EVI5: variants seen among roughly 807,000 people sequenced by gnomAD.
The protein encoded by EVI5 is ecotropic viral integration site 5 protein homolog.
A neutral mutation model predicts 112.0 loss-of-function variants in EVI5; 73 were observed. That is an observed-to-expected ratio of 0.65 (90% CI 0.54 to 0.79). The LOEUF (loss-of-function observed/expected upper bound fraction) is 0.79, where lower values mean the gene tolerates loss of function less well. Among genes scored for constraint, EVI5 ranks in the 30% least tolerant of loss-of-function variants. The probability of loss-of-function intolerance (pLI) is 0.00; values close to 1 mark genes in which losing one functional copy is unlikely to be tolerated. For synonymous variants in EVI5, 305 were observed against 319.9 expected (o/e 0.95, Z 0.50); for missense variants, 900 against 968.8 (o/e 0.93, Z 0.94).
chr1:92,756,271 C>T (rs1680941744), intron 1 of EVI5: 9 of 450,408 alleles, frequency 2.0e-5, no homozygotes, highest in South Asian at 1.6e-4. Context: ...AATTTGTTCT[C>T]TCTGAAGTAG....
intron 16 of EVI5, among the ~76,000 whole-genome samples, chr1:92,623,725 T>C (rs1425767666): frequency 6.6e-6 from 1 of 152,220 alleles, no homozygotes; most frequent in African/African-American, 2.4e-5. Flanking sequence ...TGCAGAAACA[T>C]TTTTGGTCAT....
chr1:92,575,542 T>A, intron 18 of EVI5, among the ~76,000 whole-genome samples: 1 of 150,114 alleles, frequency 6.7e-6, no homozygotes, highest in African/African-American at 2.4e-5. Context: ...TCTTTTAATC[T>A]ACAAGAGTCC....
At chr1:92,771,539 C>T (rs530908587) in intron 1 of EVI5, among the ~76,000 whole-genome samples, 3 of 152,144 alleles carry the variant, frequency 2.0e-5, no homozygotes, top group South Asian at 2.1e-4. Flanking sequence ...GTCCTTACAG[C>T]GCTAGAATCC....
chr1:92,642,993 T>C (rs182660066), intron 13 of EVI5, among the ~76,000 whole-genome samples: 2 of 152,340 alleles, frequency 1.3e-5, no homozygotes, highest in East Asian at 3.9e-4. Flanking sequence ...TAAGTAGTCA[T>C]AGGTAGGTCA....
intron 14 of EVI5, among the ~76,000 whole-genome samples, chr1:92,633,872 C>G (rs944982265): frequency 1.3e-5 from 2 of 152,172 alleles, no homozygotes; most frequent in Non-Finnish European, 2.9e-5. Flanking sequence ...TTAGGGCAGG[C>G]CTGGTGGTGA....
chr1:92,713,141 A>T (rs1349344660), intron 2 of EVI5, among the ~76,000 whole-genome samples: 1 of 151,996 alleles, frequency 6.6e-6, no homozygotes, highest in Non-Finnish European at 1.5e-5. Flanking sequence ...TGTCACTTCA[A>T]CAGGTAAACA....
chr1:92,683,242 C>A (rs1667900631), intron 9 of EVI5, among the ~76,000 whole-genome samples: 1 of 152,184 alleles, frequency 6.6e-6, no homozygotes, highest in African/African-American at 2.4e-5. Context: ...TGCTGTTCTG[C>A]AGTCTCCGCT....
At chr1:92,764,778 T>C (rs1271819886) in intron 1 of EVI5, among the ~76,000 whole-genome samples, 5 of 152,220 alleles carry the variant, frequency 3.3e-5, no homozygotes, top group Non-Finnish European at 7.3e-5. Flanking sequence ...GTTATACTTA[T>C]TTCTTATGAA....
chr1:92,696,456 T>C (rs1209146389), intron 6 of EVI5, among the ~76,000 whole-genome samples: 1 of 151,200 alleles, frequency 6.6e-6, no homozygotes, highest in African/African-American at 2.4e-5. Flanking sequence ...TCTACAAAAA[T>C]TAAAAAATAA....
intron 1 of EVI5, among the ~76,000 whole-genome samples, chr1:92,774,257 T>C (rs114904444): frequency 0.015 from 2,272 of 152,326 alleles, 68 homozygotes; most frequent in African/African-American, 0.051. Context: ...TCCTGATTTC[T>C]GGTATGCCTG....
Position 92,568,093 on chromosome 1 carries a change from G to T in EVI5, c.2071-4356C>A, listed in dbSNP as rs567498565. Reference sequence around the variant, plus strand: ...AAACCAGTTTAAAAATAAATTTCTGGCTGGGCGTGGTGGCTTATGACTGTA... The same window carrying T: ...AAACCAGTTTAAAAATAAATTTCTGTCTGGGCGTGGTGGCTTATGACTGTA... On this transcript the variant is annotated intron_variant, in intron 18 of 19. Coordinates refer to ENST00000684568, the MANE Select transcript of EVI5 (RefSeq NM_001350197.2). 5.7e-4 allele frequency among the ~76,000 whole-genome samples: 86 copies of T among 152,070 alleles called. 1 individual carries two copies. In the South Asian group the frequency reaches 0.017, roughly 31 times the overall value.
intron 19 of EVI5, among the ~76,000 whole-genome samples, chr1:92,559,892 CCTA>C (rs1318696132): frequency 6.6e-6 from 1 of 150,916 alleles, no homozygotes; most frequent in African/African-American, 2.4e-5. Flanking sequence ...TCACATAGTA[CCTA>C]CTACATGCCA....
intron 19 of EVI5, among the ~76,000 whole-genome samples, chr1:92,531,583 G>A (rs950012988): frequency 6.6e-6 from 1 of 152,184 alleles, no homozygotes. Context: ...GACTAACAAC[G>A]GATCTCTCAG....
intron 19 of EVI5, among the ~76,000 whole-genome samples, chr1:92,550,769 A>T (rs1666688676): frequency 3.4e-5 from 2 of 59,048 alleles, no homozygotes; most frequent in East Asian, 6.1e-4. Flanking sequence ...AAAAAAAAAA[A>T]AAAAAAAAAA....
intron 18 of EVI5, among the ~76,000 whole-genome samples, chr1:92,582,591 A>G (rs1672118350): frequency 1.3e-5 from 2 of 152,200 alleles, no homozygotes; most frequent in Non-Finnish European, 2.9e-5. Context: ...AGTAGTTGCT[A>G]GAACTAACTG....
intron 19 of EVI5, among the ~76,000 whole-genome samples, chr1:92,560,816 C>T (rs1668409239): frequency 6.6e-6 from 1 of 151,696 alleles, no homozygotes; most frequent in East Asian, 1.9e-4. Context: ...CCTCCAACCT[C>T]GGTCTCCCAA....
chr1:92,539,101 C>A (rs972456713), intron 19 of EVI5, among the ~76,000 whole-genome samples: 3 of 152,144 alleles, frequency 2.0e-5, no homozygotes, highest in African/African-American at 7.2e-5. Flanking sequence ...AATAAGAGCA[C>A]TTATTTAGCC....
chr1:92,701,192 G>A (rs543090771), intron 5 of EVI5, among the ~76,000 whole-genome samples: 7 of 152,308 alleles, frequency 4.6e-5, no homozygotes, highest in Non-Finnish European at 8.8e-5. Context: ...CAGTTGGGAA[G>A]CTGAAGCAAA....
intron 2 of EVI5, among the ~76,000 whole-genome samples, chr1:92,719,569 G>A (rs1465552821): frequency 6.6e-6 from 1 of 151,924 alleles, no homozygotes; most frequent in Non-Finnish European, 1.5e-5. Context: ...AGCTATTTAT[G>A]ACAAACCCAC....
Sources: allele counts gnomAD v4.1 joint callset (sites outside exome capture counted in the v4.1 genomes callset), GRCh38; gene constraint gnomAD v4.1.1; transcripts MANE v1.5; gene names NCBI Gene and HGNC (gene_info 2026-07-23, HGNC 2026-07-21).